The following RPS6KA2 variants were observed in gnomAD, a reference collection of about 807,000 sequenced individuals.
The protein encoded by RPS6KA2 is ribosomal protein S6 kinase A2.
A neutral mutation model predicts 91.8 loss-of-function variants in RPS6KA2; 42 were observed. That is an observed-to-expected ratio of 0.46 (90% confidence interval 0.36 to 0.59). RPS6KA2 has a LOEUF of 0.59. RPS6KA2 is among the 20% of genes least tolerant of loss of function. The pLI is 0.00. For synonymous variants in RPS6KA2, 414 were observed against 393.6 expected (o/e 1.05, Z -0.61); for missense variants, 798 against 978.5 (o/e 0.82, Z 2.46).
At position 166,686,285 on chromosome 6, in the gene RPS6KA2, G is replaced by A. The variant is rs75850508; in HGVS notation, c.124-147501C>T. Among the ~76,000 whole-genome samples the A allele has an allele frequency of 7.7e-4, 118 of 152,282 alleles. 1 individual carries two copies. In the East Asian group the frequency reaches 0.013, roughly 16 times the overall value. On this transcript the variant is annotated intron_variant, in intron 2 of 21. Transcript: ENST00000503859. ...CTGGGAACAAGGATGTGTGGAGACCGTGCAAAGCAACCCGACCTCTCCTAC... is the reference window on the plus strand; with the variant it reads ...CTGGGAACAAGGATGTGTGGAGACCATGCAAAGCAACCCGACCTCTCCTAC...
intron 6 of RPS6KA2, among the ~76,000 whole-genome samples, chr6:166,503,517 C>T (rs1387794161): frequency 2.0e-5 from 3 of 152,290 alleles, no homozygotes; most frequent in Middle Eastern, 3.4e-3. Context: ...CTCACAGGCA[C>T]GGGGCTCTCT....
At chr6:166,739,952 T>C (rs1404963717) in intron 2 of RPS6KA2, among the ~76,000 whole-genome samples, 7 of 152,252 alleles carry the variant, frequency 4.6e-5, no homozygotes, top group Non-Finnish European at 1.0e-4. Flanking sequence ...AGCACCTTCA[T>C]TGTTTCCTAC....
chr6:166,729,789 G>C (rs1254788224), intron 2 of RPS6KA2, among the ~76,000 whole-genome samples: 1 of 152,130 alleles, frequency 6.6e-6, no homozygotes, highest in Non-Finnish European at 1.5e-5. Context: ...ATATTTCCCT[G>C]ATCAAAGTAC....
intron 12 of RPS6KA2, among the ~76,000 whole-genome samples, chr6:166,453,229 AC>A (rs1379032188): frequency 6.2e-5 from 9 of 145,556 alleles, no homozygotes; most frequent in African/African-American, 2.1e-4. Context: ...ACACACACAC[AC>A]AAAAAGGCTT....
At chr6:166,814,212 A>T (rs1779706925) in intron 2 of RPS6KA2, among the ~76,000 whole-genome samples, 1 of 152,246 alleles carries the variant, frequency 6.6e-6, no homozygotes, top group Non-Finnish European at 1.5e-5. Flanking sequence ...AATTATAATT[A>T]AAACCATTTT....
intron 12 of RPS6KA2, among the ~76,000 whole-genome samples, chr6:166,458,177 C>T (rs747322054): frequency 6.6e-6 from 1 of 152,210 alleles, no homozygotes; most frequent in Non-Finnish European, 1.5e-5. Flanking sequence ...AAATCTCAGG[C>T]TCTGTGTCCC....
At chr6:166,703,633 T>C (rs955284998) in intron 2 of RPS6KA2, among the ~76,000 whole-genome samples, 12 of 152,206 alleles carry the variant, frequency 7.9e-5, no homozygotes, top group African/African-American at 2.9e-4. Context: ...TCTTCTGAAG[T>C]CTTTCTCTTG....
chr6:166,685,318 G>A (rs1000284041), intron 2 of RPS6KA2, among the ~76,000 whole-genome samples: 1 of 151,932 alleles, frequency 6.6e-6, no homozygotes, highest in South Asian at 2.1e-4. Flanking sequence ...GACAGAGGCC[G>A]AGGAAAGCTC....
At chr6:166,573,823 GA>G (rs976682390) in intron 1 of RPS6KA2, among the ~76,000 whole-genome samples, 1 of 152,132 alleles carries the variant, frequency 6.6e-6, no homozygotes, top group East Asian at 1.9e-4. Flanking sequence ...TCCCAGTTTT[GA>G]AAAAAGTTAG....
chr6:166,568,827 C>A (rs1407655585), intron 1 of RPS6KA2, among the ~76,000 whole-genome samples: 1 of 152,096 alleles, frequency 6.6e-6, no homozygotes, highest in African/African-American at 2.4e-5. Flanking sequence ...GGCATAATTA[C>A]TGAAACTAGA....
At position 166,819,221 on chromosome 6, in the gene RPS6KA2, A is replaced by T. The variant is rs140999608; in HGVS notation, c.123+38979T>A. Among the ~76,000 whole-genome samples, 44 of 152,190 alleles carry T rather than the reference A, an allele frequency of 2.9e-4. 1 individual carries two copies. The East Asian group carries it at 6.7e-3, about 23-fold the overall frequency. The stretch of plus-strand genomic sequence containing the variant: ...TGTTCTCTTCCGAGGAATTCCATCT[A>T]TGTGTTGGTTTTTTGTTTGTTTATT... On this transcript the variant is annotated intron_variant, in intron 2 of 21. Coordinates refer to the RPS6KA2 transcript ENST00000503859.
intron 2 of RPS6KA2, among the ~76,000 whole-genome samples, chr6:166,790,892 C>A (rs1160555527): frequency 1.3e-5 from 2 of 152,120 alleles, no homozygotes; most frequent in Non-Finnish European, 1.5e-5. Flanking sequence ...ACAACCGGTA[C>A]CAGCCACTGC....
At position 166,702,660 on chromosome 6, in the gene RPS6KA2, T is replaced by C. The variant is rs188301943; in HGVS notation, c.123+155540A>G. 3.0e-4 allele frequency: 466 copies of C among 1,566,200 alleles called. No homozygotes were observed. The African/African-American group carries it at 5.7e-3, about 19-fold the overall frequency. ...CTATGGGTTTCCCGTGCAGTTCTAT[T>C]TTACCTGAAAGCGCCTCAATGGCCT... On this transcript the variant is annotated intron_variant, in intron 2 of 21. Transcript: ENST00000503859.
At chr6:166,860,806 ATCTC>A (rs145769325) in intron 1 of RPS6KA2, among the ~76,000 whole-genome samples, 3 of 151,830 alleles carry the variant, frequency 2.0e-5, no homozygotes, top group East Asian at 1.9e-4. Flanking sequence ...GAAAAATTGA[ATCTC>A]TCTCTCTCTC....
intron 1 of RPS6KA2, among the ~76,000 whole-genome samples, chr6:166,579,883 G>GA (rs1017236104): frequency 1.3e-5 from 2 of 151,740 alleles, no homozygotes; most frequent in African/African-American, 2.4e-5. Flanking sequence ...GTTTTGAGAA[G>GA]AAAAAAAAGA....
intron 2 of RPS6KA2, among the ~76,000 whole-genome samples, chr6:166,720,350 G>A (rs2128584173): frequency 6.6e-6 from 1 of 152,144 alleles, no homozygotes; most frequent in Non-Finnish European, 1.5e-5. Flanking sequence ...CAAAGAACAG[G>A]TTTCTAATCA....
intron 2 of RPS6KA2, among the ~76,000 whole-genome samples, chr6:166,804,403 G>T (rs995073886): frequency 6.6e-6 from 1 of 151,948 alleles, no homozygotes; most frequent in African/African-American, 2.4e-5. Flanking sequence ...ATACTCAGTG[G>T]ATTCACATTC....
intron 2 of RPS6KA2, among the ~76,000 whole-genome samples, chr6:166,822,608 C>G (rs1000196530): frequency 6.6e-6 from 1 of 152,200 alleles, no homozygotes; most frequent in Non-Finnish European, 1.5e-5. Flanking sequence ...CACTGAGAGT[C>G]CATCCCATTC....
Position 166,701,876 on chromosome 6 carries a change from A to C in RPS6KA2, c.123+156324T>G, listed in dbSNP as rs529503497. The C allele has an allele frequency of 1.5e-4, 143 of 962,326 alleles. 1 individual carries two copies. In the South Asian group the frequency reaches 1.9e-3, roughly 12 times the overall value. 59.6% of individuals were successfully genotyped at this position (962,326 alleles called of 1,614,324 possible). ...GGTGTGTTCTGGATTATACTGCATC[A>C]GTTCCTGCAATGGAGATATCGTGAT... On this transcript the variant is annotated intron_variant, in intron 2 of 21. Transcript: ENST00000503859.
Sources: gnomAD v4.1 joint callset for allele counts (sites outside exome capture counted in the v4.1 genomes callset) on GRCh38, gnomAD v4.1.1 for gene constraint, MANE v1.5 for transcripts, NCBI Gene and HGNC (gene_info 2026-07-23, HGNC 2026-07-21) for gene names.